The following GLE1 variants were observed in gnomAD, a reference collection of about 807,000 sequenced individuals.
GLE1 encodes mRNA export factor GLE1.
In GLE1, 78 loss-of-function variants were observed where a neutral mutation model predicts 97.3. The ratio of observed to expected loss-of-function variants is 0.80; its 90% confidence interval spans 0.67 to 0.97. The LOEUF is 0.97. GLE1 is among the 50% of genes least tolerant of loss of function. The probability of loss-of-function intolerance (pLI) is 0.00; values close to 1 mark genes in which losing one functional copy is unlikely to be tolerated. For missense variants in GLE1, 753 were observed against 857.5 expected, an observed-to-expected ratio of 0.88 and a Z score of 1.52; for synonymous variants, 302 against 313.4, an observed-to-expected ratio of 0.96 and a Z score of 0.39.
chr9:128,527,630 A>T, intron 9 of GLE1, 105 bp downstream of exon 9: 1 of 778,656 alleles, frequency 1.3e-6, no homozygotes, highest in Non-Finnish European at 2.3e-6. Context: ...ATTCAAACAA[A>T]TGTTTACAGT....
In GLE1 at chr9:128,539,715, G is replaced by GC; in HGVS notation, c.1964+18dup. 6.2e-7 allele frequency: 1 copy of GC among 1,613,810 alleles called. No individual in the cohort carries two copies. Among genetic ancestry groups the GC allele is most frequent in the South Asian group, 1.1e-5 (1 of 91,068 alleles). Reference sequence around the variant, plus strand: ...CTTTCCCAGGTATCAGGCTTGTTGAGCAGACAGCAGGGGATTAAGTAACTC... The same window carrying GC: ...CTTTCCCAGGTATCAGGCTTGTTGAGCCAGACAGCAGGGGATTAAGTAACTC... On this transcript the variant is annotated intron_variant, in intron 14 of 15. Coordinates refer to ENST00000309971, the MANE Select transcript of GLE1 (RefSeq NM_001003722.2).
In GLE1 at chr9:128,534,273, G is replaced by C. The variant is rs1283038026; in HGVS notation, c.1646+322G>C. On this transcript the variant is annotated intron_variant, in intron 11 of 15. Coordinates refer to ENST00000309971, the MANE Select transcript of GLE1 (RefSeq NM_001003722.2). ...AGTCCCAGCTACTCAGGAGGCTGAG[G>C]CACGAGAATTGCTTGAACCCGGAAG... Among the ~76,000 whole-genome samples the C allele has an allele frequency of 2.6e-5, 4 of 152,230 alleles. No individual in the cohort carries two copies. The East Asian group carries it at 7.7e-4, about 29-fold the overall frequency.
At chr9:128,505,086 C>T (rs1589037122) in intron 1 of GLE1, among the ~76,000 whole-genome samples, 182 bp downstream of exon 1, 3 of 152,174 alleles carry the variant, frequency 2.0e-5, no homozygotes, top group African/African-American at 4.8e-5. Flanking sequence ...CCTATTTTAG[C>T]GTTTCGGGGA....
At chr9:128,541,045 T>G in intron 15 of GLE1, 57 bp from the exon 16 acceptor site, 1 of 942,178 alleles carries the variant, frequency 1.1e-6, no homozygotes, top group Non-Finnish European at 1.8e-6. Flanking sequence ...AACCATTAAG[T>G]GTTGGGAACA....
intron 13 of GLE1, among the ~76,000 whole-genome samples, chr9:128,538,747 G>A (rs1182023443): frequency 1.3e-5 from 2 of 151,926 alleles, no homozygotes; most frequent in Non-Finnish European, 2.9e-5. Context: ...CCAGGCTGGA[G>A]TGCATTAGTG....
At chr9:128,517,866 C>T (rs1316659888) in intron 3 of GLE1, among the ~76,000 whole-genome samples, 1 of 152,062 alleles carries the variant, frequency 6.6e-6, no homozygotes, top group Non-Finnish European at 1.5e-5. Flanking sequence ...ATATTCAGAG[C>T]TCTTTTTCAG....
chr9:128,518,590 C>G (rs1847051585), intron 3 of GLE1, among the ~76,000 whole-genome samples: 1 of 151,414 alleles, frequency 6.6e-6, no homozygotes, highest in Non-Finnish European at 1.5e-5. Flanking sequence ...AATAAAATAG[C>G]TGGACATGGT....
intron 7 of GLE1, 102 bp downstream of exon 7, chr9:128,525,525 C>A: frequency 1.2e-6 from 1 of 809,068 alleles, no homozygotes. Flanking sequence ...GGACAGTTAA[C>A]CAGAATTTTA....
rs375808182 is a variant in GLE1, at chr9:128,509,849, C to T, written c.321+752C>T. The stretch of plus-strand genomic sequence containing the variant: ...TGGCTCGAGCTTGTTGTCCTAGCTA[C>T]TTGGGACATTGAGATGGGAGGATCA... On this transcript the variant is annotated intron_variant, in intron 2 of 15. Coordinates refer to ENST00000309971, the MANE Select transcript of GLE1 (RefSeq NM_001003722.2). Among the ~76,000 whole-genome samples the T allele has an allele frequency of 7.2e-5, 11 of 151,864 alleles. No individual in the cohort carries two copies. The East Asian group carries it at 2.1e-3, about 29-fold the overall frequency.
intron 1 of GLE1, among the ~76,000 whole-genome samples, chr9:128,507,246 C>T (rs1846666003): frequency 6.6e-6 from 1 of 151,998 alleles, no homozygotes; most frequent in Non-Finnish European, 1.5e-5. Context: ...CCCATAATCC[C>T]AACACTTTGC....
At chr9:128,510,389 C>T (rs917967234) in intron 2 of GLE1, among the ~76,000 whole-genome samples, 4 of 151,892 alleles carry the variant, frequency 2.6e-5, no homozygotes, top group African/African-American at 7.3e-5. Context: ...CTATCACGCC[C>T]GGCTTATGTT....
At position 128,513,080 on chromosome 9, in the gene GLE1, C is replaced by A. The variant is rs1028663443; in HGVS notation, c.322-2449C>A. On this transcript the variant is annotated intron_variant, in intron 2 of 15. Coordinates refer to ENST00000309971, the MANE Select transcript of GLE1 (RefSeq NM_001003722.2). ...TTTTTGGTATTTACGTAAGAAAAACCCAGTTTGGCTTAAGGGACTGAGGGA... is the reference window on the plus strand; with the variant it reads ...TTTTTGGTATTTACGTAAGAAAAACACAGTTTGGCTTAAGGGACTGAGGGA... Among the ~76,000 whole-genome samples the A allele has an allele frequency of 5.9e-5, 9 of 152,026 alleles. No individual in the cohort carries two copies. In the East Asian group the frequency reaches 1.7e-3, roughly 29 times the overall value.
chr9:128,507,434 A>C (rs1021564198), intron 1 of GLE1, among the ~76,000 whole-genome samples: 1 of 152,136 alleles, frequency 6.6e-6, no homozygotes, highest in African/African-American at 2.4e-5. Flanking sequence ...ATACAAAAAA[A>C]TTAACCAGGT....
At position 128,523,685 on chromosome 9, in the gene GLE1, C is replaced by G. The variant is rs749023008; in HGVS notation, c.736C>G (p.Arg246Gly). 1 of 1,614,082 alleles carries G rather than the reference C, an allele frequency of 6.2e-7. No individual in the cohort carries two copies. Among genetic ancestry groups the G allele is most frequent in the East Asian group, 2.2e-5 (1 of 44,854 alleles). ...LRKEEGQIRL[R>G]ALYALQEEML... ...GAAGGAAGAAGGCCAGATCCGCCTG[C>G]GGGCCCTCTATGCTCTGCAGGAGGA... is the stretch of plus-strand genomic sequence containing the variant. Residue 246 changes from arginine (R) to glycine (G), a missense_variant, in exon 6 of 16, where the codon CGG becomes GGG. By Grantham distance (125) the Arg-to-Gly change is moderately radical. Transcript: ENST00000309971.
chr9:128,520,392 A>G (rs1847115513), intron 3 of GLE1, among the ~76,000 whole-genome samples: 3 of 148,020 alleles, frequency 2.0e-5, no homozygotes, highest in African/African-American at 4.9e-5. Context: ...ATGTGTATAT[A>G]TGTATGTGTG....
At chr9:128,526,447 C>T (rs1352407163) in intron 7 of GLE1, among the ~76,000 whole-genome samples, 1 of 152,000 alleles carries the variant, frequency 6.6e-6, no homozygotes, top group Non-Finnish European at 1.5e-5. Flanking sequence ...ACCTCCGCCT[C>T]CCAGGTTCAA....
chr9:128,519,279 A>T (rs1564147567), intron 3 of GLE1, among the ~76,000 whole-genome samples: 1 of 152,242 alleles, frequency 6.6e-6, no homozygotes, highest in South Asian at 2.1e-4. Context: ...AACAAGAGAG[A>T]TAACCTTAAA....
intron 2 of GLE1, among the ~76,000 whole-genome samples, chr9:128,513,957 G>A (rs922743148): frequency 6.7e-6 from 1 of 150,112 alleles, no homozygotes; most frequent in Non-Finnish European, 1.5e-5. Flanking sequence ...GGCAGAGCTT[G>A]CAGTGAGCCG....
At chr9:128,507,101 T>G (rs1415409389) in intron 1 of GLE1, among the ~76,000 whole-genome samples, 2 of 152,206 alleles carry the variant, frequency 1.3e-5, no homozygotes, top group African/African-American at 2.4e-5. Context: ...CTGGTTTCCT[T>G]TGATTTAAAA....
Sources: gnomAD v4.1 joint callset for allele counts (sites outside exome capture counted in the v4.1 genomes callset) on GRCh38, gnomAD v4.1.1 for gene constraint, MANE v1.5 for transcripts, NCBI Gene and HGNC (gene_info 2026-07-23, HGNC 2026-07-21) for gene names.